Variants in SACM1L observed in about 807,000 individuals in gnomAD.
SACM1L encodes SAC1 like phosphatidylinositide phosphatase, also known as phosphatidylinositol-3-phosphatase SAC1.
In SACM1L, 32 loss-of-function variants were observed where a neutral mutation model predicts 89.5. The ratio of observed to expected loss-of-function variants is 0.36; its 90% CI spans 0.27 to 0.48. SACM1L has a LOEUF of 0.48. Among genes scored for constraint, SACM1L ranks in the 20% least tolerant of loss-of-function variants. The pLI is 0.99. For synonymous variants in SACM1L, 213 were observed against 232.8 expected (o/e 0.92, Z 0.77); for missense variants, 543 against 708.5 (o/e 0.77, Z 2.65).
intron 11 of SACM1L, among the ~76,000 whole-genome samples, chr3:45,726,418 T>C (rs1246999247): frequency 6.6e-6 from 1 of 152,086 alleles, no homozygotes; most frequent in East Asian, 1.9e-4. Flanking sequence ...TCTATTTAGA[T>C]TTTCTATTTT....
At chr3:45,731,187 G>T (rs1160556809) in intron 11 of SACM1L, 114 bp from the exon 12 acceptor site, 14 of 563,512 alleles carry the variant, frequency 2.5e-5, no homozygotes, top group East Asian at 3.3e-5. Flanking sequence ...GGGTTTTTTT[G>T]ATGTTTCTGT....
chr3:45,705,120 T>C lies in SACM1L; in HGVS notation c.131-15T>C, dbSNP rs775594835. On this transcript the variant is annotated splice_polypyrimidine_tract_variant and intron_variant, in intron 2 of 19. Transcript: ENST00000389061. ...TTTTTGTATGTGATTTTTCTTTCTT[T>C]CCTTTCTTTTAAAGTCAAGAAAGAT... is the stretch of plus-strand genomic sequence containing the variant. 2 of 1,566,040 alleles carry C rather than the reference T, an allele frequency of 1.3e-6. No individual in the cohort carries two copies. Among genetic ancestry groups the C allele is most frequent in the African/African-American group, 1.4e-5 (1 of 73,208 alleles).
intron 13 of SACM1L, among the ~76,000 whole-genome samples, chr3:45,732,395 T>A (rs540410679): frequency 4.7e-4 from 72 of 152,352 alleles, no homozygotes; most frequent in African/African-American, 1.7e-3. Context: ...TTATCTACCA[T>A]ACATTTACAA....
rs1699225751 is a variant in SACM1L at position 45,737,425 on chromosome 3, G to C, written c.1240-158G>C. 6.3e-5 allele frequency: 44 copies of C among 702,082 alleles called. 1 individual carries two copies. In the South Asian group the frequency reaches 7.4e-4, roughly 12 times the overall value. The allele number at this position is 702,082 out of a possible 1,614,324, so 43.5% of individuals were successfully genotyped here. ...TGCAGTCTGCCCTGGGCAGGAGAGG[G>C]CTGCTGTGAGCTGGGGCCCCCTATA... is the stretch of plus-strand genomic sequence containing the variant. On this transcript the variant is annotated intron_variant, in intron 14 of 19. Transcript: ENST00000389061.
rs912549423 is a variant in SACM1L, at chr3:45,745,276, C to G, written c.*1607C>G. 2.6e-5 allele frequency: 4 copies of G among 152,574 alleles called. No homozygotes were observed. Among genetic ancestry groups the G allele is most frequent in the African/African-American group, 9.7e-5 (4 of 41,414 alleles). 9.5% of individuals were successfully genotyped at this position (152,574 alleles called of 1,614,324 possible). On this transcript the variant is annotated 3_prime_UTR_variant, in exon 20 of 20. Coordinates refer to ENST00000389061, the MANE Select transcript of SACM1L (RefSeq NM_014016.5). ...CAAATCTGAACTGCTAATGTGGCTGCTTTGTAGGGAATGGACTAATATCAG... is the reference window on the plus strand; with the variant it reads ...CAAATCTGAACTGCTAATGTGGCTGGTTTGTAGGGAATGGACTAATATCAG...
chr3:45,701,009 A>G (rs1374604804), intron 1 of SACM1L, among the ~76,000 whole-genome samples: 4 of 152,250 alleles, frequency 2.6e-5, no homozygotes, highest in African/African-American at 9.6e-5. Context: ...TGAGAATGGC[A>G]GCAAGGAATG....
chr3:45,737,384 C>T (rs1042106318), intron 14 of SACM1L, 199 bp from the exon 15 acceptor site: 2 of 590,790 alleles, frequency 3.4e-6, no homozygotes, highest in African/African-American at 3.8e-5. Context: ...GGCAAAGGTG[C>T]CCTCAGGAGA....
At chr3:45,706,180 G>C (rs181838524) in intron 3 of SACM1L, among the ~76,000 whole-genome samples, 1 of 152,194 alleles carries the variant, frequency 6.6e-6, no homozygotes, top group African/African-American at 2.4e-5. Flanking sequence ...GAGTAGGAAA[G>C]GGTTACTCTG....
intron 3 of SACM1L, among the ~76,000 whole-genome samples, chr3:45,706,302 C>T (rs973209437): frequency 1.3e-5 from 2 of 152,162 alleles, no homozygotes; most frequent in Admixed American, 6.5e-5. Context: ...ATTGCAGCAG[C>T]CAGTTAGGTA....
At chr3:45,728,222 A>G (rs1280237052) in intron 11 of SACM1L, among the ~76,000 whole-genome samples, 2 of 152,156 alleles carry the variant, frequency 1.3e-5, no homozygotes, top group African/African-American at 4.8e-5. Flanking sequence ...TAGTTAGATC[A>G]TATTTTTTTC....
At chr3:45,739,923 G>C (rs1206673454) in intron 19 of SACM1L, 3 of 451,380 alleles carry the variant, frequency 6.6e-6, no homozygotes, top group Admixed American at 3.8e-5. Context: ...CAGTTTAGAG[G>C]CTTAATTTGC....
intron 1 of SACM1L, chr3:45,689,698 T>C (rs1353215657): frequency 1.5e-6 from 1 of 649,594 alleles, no homozygotes; most frequent in Admixed American, 2.8e-5. Flanking sequence ...CTCGCCGGCC[T>C]TTCTCCACCG....
chr3:45,689,873 T>C, intron 1 of SACM1L: 1 of 308,912 alleles, frequency 3.2e-6, no homozygotes, highest in South Asian at 5.9e-5. Flanking sequence ...AAAAGAGTTT[T>C]CTCTTACTTA....
chr3:45,724,593 T>C (rs1421149969), intron 11 of SACM1L, among the ~76,000 whole-genome samples: 1 of 152,172 alleles, frequency 6.6e-6, no homozygotes, highest in African/African-American at 2.4e-5. Flanking sequence ...ACTCTTTAGG[T>C]TGATTTTTTA....
At chr3:45,693,555 A>G (rs989425537) in intron 1 of SACM1L, among the ~76,000 whole-genome samples, 4 of 152,192 alleles carry the variant, frequency 2.6e-5, no homozygotes, top group Non-Finnish European at 4.4e-5. Context: ...ACAGTCTCAT[A>G]ATTGCCCTTG....
chr3:45,719,557 C>T lies in SACM1L; in HGVS notation c.635C>T (p.Ser212Leu), dbSNP rs1390496471. 6 of 1,612,078 alleles carry T rather than the reference C, an allele frequency of 3.7e-6. No homozygotes were observed. The highest frequency in any genetic ancestry group is 5.1e-6 in the Non-Finnish European group (6 of 1,179,104). The change falls in exon 8 of 20, where the codon TCG (serine) becomes TTG (leucine). Residue 212 changes from serine (S) to leucine (L), a missense_variant. By Grantham distance (145) the Ser-to-Leu change is moderately radical. Coordinates refer to ENST00000389061, the MANE Select transcript of SACM1L (RefSeq NM_014016.5). ...NGKYFDWILI[S>L]RRSCFRAGVR... ...AAATACTTTGATTGGATTCTCATCT[C>T]GAGGAGGAGCTGTTTCAGAGCTGGT... is the stretch of plus-strand genomic sequence containing the variant.
chr3:45,728,549 TCTA>T (rs1386466663), intron 11 of SACM1L, among the ~76,000 whole-genome samples: 7 of 152,358 alleles, frequency 4.6e-5, no homozygotes, highest in Admixed American at 2.0e-4. Context: ...ATATAAAAGC[TCTA>T]CTCCTGTAAA....
intron 7 of SACM1L, among the ~76,000 whole-genome samples, chr3:45,715,097 G>A (rs554361969): frequency 2.0e-5 from 3 of 152,282 alleles, no homozygotes; most frequent in Admixed American, 6.5e-5. Context: ...GCCTAGGTGT[G>A]TAGTAGGCTG....
intron 7 of SACM1L, among the ~76,000 whole-genome samples, chr3:45,718,861 AT>A (rs1200638895): frequency 8.5e-5 from 13 of 152,158 alleles, no homozygotes; most frequent in South Asian, 2.1e-4. Context: ...GTCCTATACC[AT>A]ATACTATTAT....
Sources: allele counts gnomAD v4.1 joint callset (sites outside exome capture counted in the v4.1 genomes callset), GRCh38; gene constraint gnomAD v4.1.1; transcripts MANE v1.5; gene names NCBI Gene and HGNC (gene_info 2026-07-23, HGNC 2026-07-21).